The following TAB2 variants were observed in gnomAD, a reference collection of about 807,000 sequenced individuals.
TAB2 encodes the protein TGF-beta-activated kinase 1 and MAP3K7-binding protein 2.
In TAB2, 3 loss-of-function variants were observed where a neutral mutation model predicts 65.0. The observed-to-expected ratio is 0.05, with a 90% confidence interval of 0.02 to 0.12. TAB2 has a LOEUF of 0.12. TAB2 is among the 10% of genes least tolerant of loss of function. The pLI is 1.00. For synonymous variants in TAB2, 298 were observed against 285.1 expected, an observed-to-expected ratio of 1.05 and a Z score of -0.46; for missense variants, 623 against 840.3, an observed-to-expected ratio of 0.74 and a Z score of 3.20.
intron 1 of TAB2, among the ~76,000 whole-genome samples, chr6:149,219,881 AC>A (rs1777103579): frequency 6.6e-6 from 1 of 152,170 alleles, no homozygotes; most frequent in Non-Finnish European, 1.5e-5. Context: ...GGACCTCTTT[AC>A]GCTCTTAAAA....
chr6:149,305,238 G>C (rs1583074664), intron 1 of TAB2, among the ~76,000 whole-genome samples: 4 of 152,260 alleles, frequency 2.6e-5, no homozygotes, highest in African/African-American at 9.6e-5. Context: ...CTTTCTTCCT[G>C]TTCGTATGCC....
intron 1 of TAB2, among the ~76,000 whole-genome samples, chr6:149,325,906 A>C (rs1464775269): frequency 6.6e-6 from 1 of 152,094 alleles, no homozygotes; most frequent in Admixed American, 6.6e-5. Context: ...CGCTCAGCTT[A>C]CTTTTTATTT....
upstream of TAB2, among the ~76,000 whole-genome samples, chr6:149,218,431 T>G (rs781769930): frequency 2.6e-5 from 4 of 152,166 alleles, no homozygotes; most frequent in Admixed American, 6.5e-5. Flanking sequence ...AATTAAGATT[T>G]AAAAGAAGAT....
chr6:149,409,976 C>A lies in TAB2; in HGVS notation c.*257C>A, dbSNP rs1782793737. ...CACTGCCTAACTGTGTACAGTGTTA[C>A]CAGTGTCCCATTATGGATAATTCTC... On this transcript the variant is annotated 3_prime_UTR_variant, in exon 7 of 7. Coordinates refer to ENST00000637181, the MANE Select transcript of TAB2 (RefSeq NM_001292034.3). 1.9e-6 allele frequency: 1 copy of A among 536,508 alleles called. No individual in the cohort carries two copies. The highest frequency in any genetic ancestry group is 3.2e-5 in the Admixed American group (1 of 31,262). 33.2% of individuals were successfully genotyped at this position (536,508 alleles called of 1,614,324 possible).
chr6:149,393,718 G>A (rs62426115), intron 3 of TAB2, among the ~76,000 whole-genome samples: 35,895 of 152,044 alleles, frequency 0.24, 4,429 homozygotes, highest in Non-Finnish European at 0.26. Context: ...ACTTTATGAT[G>A]TATTTGTTGG....
chr6:149,351,953 A>G (rs916973032), intron 1 of TAB2, among the ~76,000 whole-genome samples: 1 of 152,176 alleles, frequency 6.6e-6, no homozygotes, highest in African/African-American at 2.4e-5. Context: ...AAGGTAGAAT[A>G]CTGGTTCTTT....
At chr6:149,292,780 G>A (rs1778800794) in intron 1 of TAB2, among the ~76,000 whole-genome samples, 1 of 152,108 alleles carries the variant, frequency 6.6e-6, no homozygotes, top group Non-Finnish European at 1.5e-5. Flanking sequence ...GCAACAATGA[G>A]CTTTCTCGGG....
intron 1 of TAB2, among the ~76,000 whole-genome samples, chr6:149,255,694 T>G (rs182334814): frequency 1.3e-5 from 2 of 152,264 alleles, no homozygotes; most frequent in African/African-American, 4.8e-5. Flanking sequence ...TATAATTATG[T>G]GATTTCTTTC....
intron 1 of TAB2, among the ~76,000 whole-genome samples, chr6:149,285,346 A>C (rs763605832): frequency 1.2e-4 from 18 of 152,208 alleles, no homozygotes; most frequent in Non-Finnish European, 1.8e-4. Context: ...AATACTTGAC[A>C]ATTGTGCCTG....
At chr6:149,238,598 C>T (rs1279496817) in intron 1 of TAB2, among the ~76,000 whole-genome samples, 2 of 152,202 alleles carry the variant, frequency 1.3e-5, no homozygotes, top group Non-Finnish European at 2.9e-5. Flanking sequence ...GATCATGGCT[C>T]CCCGGCTCCT....
chr6:149,269,170 T>G (rs1162255973), intron 1 of TAB2, among the ~76,000 whole-genome samples: 1 of 152,202 alleles, frequency 6.6e-6, no homozygotes, highest in East Asian at 1.9e-4. Context: ...GCATAATACC[T>G]AAATAAAAGC....
chr6:149,348,036 A>C (rs917792755), intron 1 of TAB2, among the ~76,000 whole-genome samples: 8 of 152,200 alleles, frequency 5.3e-5, no homozygotes, highest in African/African-American at 1.9e-4. Context: ...GTACTGTTTA[A>C]GAGTAATTCA....
intron 1 of TAB2, among the ~76,000 whole-genome samples, chr6:149,284,945 G>T (rs1244731282): frequency 6.6e-6 from 1 of 152,180 alleles, no homozygotes; most frequent in Non-Finnish European, 1.5e-5. Flanking sequence ...AGAGCCAGCA[G>T]CCTCGAGGAT....
At chr6:149,268,206 GC>G (rs1309058549) in intron 1 of TAB2, among the ~76,000 whole-genome samples, 1 of 152,084 alleles carries the variant, frequency 6.6e-6, no homozygotes, top group East Asian at 1.9e-4. Flanking sequence ...AGTGCTAAGG[GC>G]CCAGGCTCCT....
At chr6:149,320,832 T>C (rs566165532) in intron 1 of TAB2, among the ~76,000 whole-genome samples, 2 of 152,340 alleles carry the variant, frequency 1.3e-5, no homozygotes, top group East Asian at 3.9e-4. Context: ...ATCCAAATTA[T>C]AATTCCATTA....
chr6:149,279,287 C>CACT, intron 1 of TAB2, among the ~76,000 whole-genome samples: 1 of 152,258 alleles, frequency 6.6e-6, no homozygotes, highest in South Asian at 2.1e-4. Flanking sequence ...AGTCTTTCTC[C>CACT]ACTCCTACCT....
intron 1 of TAB2, among the ~76,000 whole-genome samples, chr6:149,340,849 T>C (rs572561687): frequency 6.6e-6 from 1 of 152,178 alleles, no homozygotes; most frequent in Non-Finnish European, 1.5e-5. Context: ...TTAAAACAAC[T>C]ATAAGGAAAT....
chr6:149,400,261 A>G, intron 6 of TAB2: 4 of 973,160 alleles, frequency 4.1e-6, no homozygotes, highest in Non-Finnish European at 6.0e-6. Flanking sequence ...GGAGCCCAGG[A>G]TGTGCACGCA....
At chr6:149,329,873 G>A (rs1272822745) in intron 1 of TAB2, among the ~76,000 whole-genome samples, 4 of 152,122 alleles carry the variant, frequency 2.6e-5, no homozygotes. Context: ...TTGTATGTGT[G>A]TGGTTCTGTA....
Sources: allele counts gnomAD v4.1 joint callset (sites outside exome capture counted in the v4.1 genomes callset), GRCh38; gene constraint gnomAD v4.1.1; transcripts MANE v1.5; gene names NCBI Gene and HGNC (gene_info 2026-07-23, HGNC 2026-07-21).